Variants in MAD1L1 observed in about 807,000 individuals in gnomAD.
MAD1L1 encodes mitotic spindle assembly checkpoint protein MAD1.
A neutral mutation model predicts 96.9 loss-of-function variants in MAD1L1; 95 were observed. The observed-to-expected ratio is 0.98, with a 90% confidence interval of 0.83 to 1.16. MAD1L1 has a LOEUF of 1.16. Among genes scored for constraint, MAD1L1 ranks in the 50% most tolerant of loss-of-function variants. The pLI is 0.00. For missense variants in MAD1L1, 1,007 were observed against 954.4 expected, an observed-to-expected ratio of 1.06 and a Z score of -0.73; for synonymous variants, 473 against 396.6, an observed-to-expected ratio of 1.19 and a Z score of -2.29.
intron 16 of MAD1L1, among the ~76,000 whole-genome samples, chr7:1,955,683 G>A (rs546728793): frequency 3.9e-5 from 6 of 152,272 alleles, no homozygotes; most frequent in African/African-American, 7.2e-5. Context: ...CCCCTAGTGC[G>A]CAGGCCCCTC....
chr7:1,900,168 G>A (rs1423828154), intron 17 of MAD1L1, among the ~76,000 whole-genome samples: 2 of 152,208 alleles, frequency 1.3e-5, no homozygotes, highest in Non-Finnish European at 2.9e-5. Context: ...TGACAGCTAT[G>A]AACACGATCC....
intron 12 of MAD1L1, among the ~76,000 whole-genome samples, chr7:2,021,930 CAAAT>C (rs1782805763): frequency 6.6e-6 from 1 of 151,870 alleles, no homozygotes; most frequent in African/African-American, 2.4e-5. Context: ...AGAGAAGTAA[CAAAT>C]AAGGAAAAAT....
At chr7:2,102,779 C>A (rs939182497) in intron 11 of MAD1L1, among the ~76,000 whole-genome samples, 1 of 152,162 alleles carries the variant, frequency 6.6e-6, no homozygotes, top group East Asian at 1.9e-4. Flanking sequence ...GCCACCCTCG[C>A]ACCATCATGG....
chr7:1,939,821 C>T (rs1041131306), intron 16 of MAD1L1, among the ~76,000 whole-genome samples: 1 of 148,190 alleles, frequency 6.7e-6, no homozygotes, highest in African/African-American at 2.4e-5. Flanking sequence ...CTCCAAGTCC[C>T]CGAAGGACGG....
chr7:2,128,213 G>C (rs6978965), intron 11 of MAD1L1, among the ~76,000 whole-genome samples: 7,687 of 152,096 alleles, frequency 0.051, 630 homozygotes, highest in African/African-American at 0.17. Flanking sequence ...AGAGTTCTCT[G>C]GTCCCAGACT....
At chr7:2,177,864 T>C (rs1791017695) in intron 10 of MAD1L1, among the ~76,000 whole-genome samples, 1 of 152,214 alleles carries the variant, frequency 6.6e-6, no homozygotes, top group South Asian at 2.1e-4. Context: ...GGAGAAGGAC[T>C]GCAGCCGACA....
intron 12 of MAD1L1, among the ~76,000 whole-genome samples, chr7:2,026,075 A>G (rs908709542): frequency 7.2e-5 from 11 of 152,190 alleles, no homozygotes; most frequent in Admixed American, 3.3e-4. Flanking sequence ...TATTTATAGT[A>G]TACTACATTT....
Position 1,977,852 on chromosome 7 carries a change from G to A in MAD1L1, c.1505+2601C>T, listed in dbSNP as rs576117208. On this transcript the variant is annotated intron_variant, in intron 15 of 18. Coordinates refer to ENST00000265854, the MANE Select transcript of MAD1L1 (RefSeq NM_001013836.2). ...GCTCCTGCGTGGGCAGCCACGGGCC[G>A]GGACACGCTGACCTTCCTGAAACCT... 5.3e-5 allele frequency among the ~76,000 whole-genome samples: 8 copies of A among 152,348 alleles called. No homozygotes were observed. In the South Asian group the frequency reaches 1.0e-3, roughly 20 times the overall value.
intron 16 of MAD1L1, among the ~76,000 whole-genome samples, chr7:1,952,815 G>C (rs955980090): frequency 2.6e-5 from 4 of 152,244 alleles, no homozygotes; most frequent in African/African-American, 9.6e-5. Context: ...ATGGTAGAAG[G>C]TTCAGGAGAA....
At chr7:2,028,562 G>A (rs776524064) in intron 12 of MAD1L1, among the ~76,000 whole-genome samples, 6 of 152,024 alleles carry the variant, frequency 3.9e-5, no homozygotes, top group Non-Finnish European at 5.9e-5. Flanking sequence ...CCACTGGTGA[G>A]ACTGACAGGT....
intron 12 of MAD1L1, among the ~76,000 whole-genome samples, chr7:2,037,110 G>A (rs570162736): frequency 6.6e-5 from 10 of 152,246 alleles, no homozygotes; most frequent in Admixed American, 5.9e-4. Flanking sequence ...TGCAGCAAAC[G>A]TGGATCAGGC....
At chr7:2,190,679 G>A (rs1219199334) in intron 10 of MAD1L1, among the ~76,000 whole-genome samples, 2 of 152,176 alleles carry the variant, frequency 1.3e-5, no homozygotes, top group African/African-American at 4.8e-5. Context: ...ATATATGGCC[G>A]TCAAGTTAAG....
chr7:2,120,948 C>A (rs752235150), intron 11 of MAD1L1, among the ~76,000 whole-genome samples: 2 of 152,144 alleles, frequency 1.3e-5, no homozygotes, highest in Non-Finnish European at 2.9e-5. Context: ...CAGGCGCAGA[C>A]CTGACGTGGG....
chr7:2,231,841 A>G (rs1489440748), intron 1 of MAD1L1, among the ~76,000 whole-genome samples: 2 of 152,056 alleles, frequency 1.3e-5, no homozygotes, highest in Admixed American at 1.3e-4. Context: ...CTGTAAACTC[A>G]TGACAGTGAA....
At chr7:2,054,891 GC>G (rs1466273622) in intron 12 of MAD1L1, among the ~76,000 whole-genome samples, 1 of 152,250 alleles carries the variant, frequency 6.6e-6, no homozygotes, top group African/African-American at 2.4e-5. Flanking sequence ...GGGAACACAT[GC>G]GGTACTCAGG....
At chr7:1,943,431 T>G (rs1235826592) in intron 16 of MAD1L1, among the ~76,000 whole-genome samples, 1 of 152,144 alleles carries the variant, frequency 6.6e-6, no homozygotes, top group Non-Finnish European at 1.5e-5. Context: ...GCAAGGCGTC[T>G]GCAGACAGAC....
At chr7:1,936,091 A>G (rs984345275) in intron 17 of MAD1L1, among the ~76,000 whole-genome samples, 2 of 152,196 alleles carry the variant, frequency 1.3e-5, no homozygotes, top group African/African-American at 2.4e-5. Context: ...CTGCTCCTTC[A>G]GGGGCACCCT....
chr7:1,937,276 G>A (rs538758509), intron 16 of MAD1L1, among the ~76,000 whole-genome samples: 21 of 152,286 alleles, frequency 1.4e-4, no homozygotes, highest in Admixed American at 8.5e-4. Context: ...ATGAGACTGG[G>A]AGCCCGTGTG....
intron 11 of MAD1L1, among the ~76,000 whole-genome samples, chr7:2,138,135 G>A (rs549479572): frequency 2.6e-5 from 4 of 152,354 alleles, no homozygotes; most frequent in Admixed American, 6.5e-5. Context: ...CTGACACTGC[G>A]GACCTGAGAC....
Sources: gnomAD v4.1 joint callset for allele counts (sites outside exome capture counted in the v4.1 genomes callset) on GRCh38, gnomAD v4.1.1 for gene constraint, MANE v1.5 for transcripts, NCBI Gene and HGNC (gene_info 2026-07-23, HGNC 2026-07-21) for gene names.